KIF21A: variants seen among roughly 807,000 people sequenced by gnomAD.
KIF21A encodes the protein kinesin family member 21A.
A neutral mutation model predicts 202.9 loss-of-function variants in KIF21A; 114 were observed. The ratio of observed to expected loss-of-function variants is 0.56; its 90% CI spans 0.48 to 0.66. KIF21A has a LOEUF of 0.66. KIF21A is among the 30% of genes least tolerant of loss of function. KIF21A has a pLI of 0.00. For synonymous variants in KIF21A, 667 were observed against 670.8 expected, an observed-to-expected ratio of 0.99 and a Z score of 0.09; for missense variants, 1,677 against 1,994.9, an observed-to-expected ratio of 0.84 and a Z score of 3.04.
chr12:39,341,021 T>G lies in KIF21A; in HGVS notation c.1995A>C (p.Glu665Asp). The change falls in exon 15 of 38, where the codon GAA (glutamate) becomes GAC (aspartate). Residue 665 changes from glutamate to aspartate, a missense_variant. This residue lies in a region of KIF21A where 966 missense variants were observed against 1,180.9 expected (regional missense o/e 0.82). Transcript: ENST00000361418. ...AIKQKLIDELENSQKRLQTLK... is the reference protein window; with the variant it reads ...AIKQKLIDELDNSQKRLQTLK... ...GAGTCTGCAGTCTTTTCTGGCTGTTTTCTAGTTCATCAATCAGCTTTTGCT... is the reference window on the plus strand; with the variant it reads ...GAGTCTGCAGTCTTTTCTGGCTGTTGTCTAGTTCATCAATCAGCTTTTGCT... 1 of 1,612,908 alleles carries G rather than the reference T, an allele frequency of 6.2e-7. No individual in the cohort carries two copies.
chr12:39,388,469 T>G (rs1223999287), intron 1 of KIF21A, among the ~76,000 whole-genome samples: 1 of 152,164 alleles, frequency 6.6e-6, no homozygotes, highest in Non-Finnish European at 1.5e-5. Context: ...GAAGACATTC[T>G]CCCTGTTCCT....
intron 31 of KIF21A, among the ~76,000 whole-genome samples, chr12:39,313,821 G>A (rs1285722815): frequency 1.3e-5 from 2 of 151,836 alleles, no homozygotes; most frequent in East Asian, 1.9e-4. Context: ...GCCATATATG[G>A]AATGAGGTGT....
intron 7 of KIF21A, among the ~76,000 whole-genome samples, chr12:39,362,150 C>G (rs1025976576): frequency 7.2e-5 from 11 of 152,096 alleles, no homozygotes; most frequent in Admixed American, 7.2e-4. Flanking sequence ...TGTGGCCTCC[C>G]TAGAAGCCAA....
chr12:39,355,935 C>T (rs995207434), intron 10 of KIF21A, among the ~76,000 whole-genome samples: 4 of 151,612 alleles, frequency 2.6e-5, no homozygotes, highest in African/African-American at 9.7e-5. Context: ...TCTAGAATAG[C>T]CAGAGGAAGA....
chr12:39,295,690 ATG>A (rs1942242030), intron 37 of KIF21A, among the ~76,000 whole-genome samples: 2 of 109,050 alleles, frequency 1.8e-5, no homozygotes, highest in South Asian at 3.1e-4. Flanking sequence ...TGCTTGGGAT[ATG>A]TTTTTTTTTT....
intron 1 of KIF21A, among the ~76,000 whole-genome samples, chr12:39,381,846 T>C (rs1240859853): frequency 1.3e-5 from 2 of 152,174 alleles, no homozygotes; most frequent in Non-Finnish European, 2.9e-5. Flanking sequence ...GTGGGCCTGA[T>C]CTAATTAGGC....
intron 1 of KIF21A, among the ~76,000 whole-genome samples, chr12:39,377,582 C>G (rs113638971): frequency 2.0e-5 from 3 of 152,068 alleles, no homozygotes; most frequent in African/African-American, 7.2e-5. Context: ...CCTAAGAGAT[C>G]GGGCACTGCA....
intron 28 of KIF21A, among the ~76,000 whole-genome samples, chr12:39,319,051 G>A (rs921282126): frequency 2.6e-5 from 4 of 152,140 alleles, no homozygotes; most frequent in Admixed American, 6.5e-5. Flanking sequence ...AAGACAGTGT[G>A]CATCTTGGCA....
intron 37 of KIF21A, among the ~76,000 whole-genome samples, chr12:39,300,035 G>A (rs1942819304): frequency 6.6e-6 from 1 of 151,818 alleles, no homozygotes; most frequent in African/African-American, 2.4e-5. Context: ...GAAATAATCT[G>A]AACAACAAAC....
rs1565678657 is a variant in KIF21A, at chr12:39,309,779, CAT to C, written c.4097-15_4097-14del. ...TTACAAGTACGATCTAAAACAAACA[CAT>C]AAAAAAAAGAAAACACCATTAATAT... On this transcript the variant is annotated splice_polypyrimidine_tract_variant and intron_variant, in intron 32 of 37. Coordinates refer to ENST00000361418, the MANE Select transcript of KIF21A (RefSeq NM_001173464.2). 1 of 1,608,900 alleles carries C rather than the reference CAT, an allele frequency of 6.2e-7. No individual in the cohort carries two copies. The highest frequency in any genetic ancestry group is 2.2e-5 in the East Asian group (1 of 44,794).
At chr12:39,313,291 C>T (rs1944208962) in intron 31 of KIF21A, among the ~76,000 whole-genome samples, 1 of 151,940 alleles carries the variant, frequency 6.6e-6, no homozygotes, top group East Asian at 1.9e-4. Flanking sequence ...CTCAACTTCT[C>T]GTTGAGTCTC....
At chr12:39,360,204 A>G (rs1348763564) in intron 7 of KIF21A, among the ~76,000 whole-genome samples, 2 of 152,044 alleles carry the variant, frequency 1.3e-5, no homozygotes, top group African/African-American at 4.8e-5. Context: ...AAAATAAAAT[A>G]AAGCTAAAAA....
intron 34 of KIF21A, among the ~76,000 whole-genome samples, chr12:39,306,184 G>A (rs927279377): frequency 1.6e-5 from 2 of 122,156 alleles, no homozygotes; most frequent in Non-Finnish European, 3.7e-5. Flanking sequence ...TATTCTCTTA[G>A]TTCCTTTGTT....
In KIF21A at chr12:39,294,411, T is replaced by G; in HGVS notation, c.*13A>C. 4 of 1,565,804 alleles carry G rather than the reference T, an allele frequency of 2.6e-6. No homozygotes were observed. The highest frequency in any genetic ancestry group is 3.5e-6 in the Non-Finnish European group (4 of 1,135,958). ...ATCACAGCATTCAGTTTACAACCTA[T>G]CTTCATTCATGTTTAATTACTGGCA... On this transcript the variant is annotated 3_prime_UTR_variant, in exon 38 of 38. Coordinates refer to ENST00000361418, the MANE Select transcript of KIF21A (RefSeq NM_001173464.2).
intron 12 of KIF21A, among the ~76,000 whole-genome samples, chr12:39,342,828 C>T (rs1409850972): frequency 6.6e-6 from 1 of 152,178 alleles, no homozygotes; most frequent in African/African-American, 2.4e-5. Context: ...TGGAAGCTCT[C>T]CTCTTAAGTT....
Position 39,303,003 on chromosome 12 carries a change from T to C in KIF21A, c.4693A>G (p.Ile1565Val), listed in dbSNP as rs746422413. The C allele has an allele frequency of 1.2e-6, 2 of 1,614,080 alleles. No homozygotes were observed. The highest frequency in any genetic ancestry group is 1.7e-6 in the Non-Finnish European group (2 of 1,179,932). The change falls in exon 36 of 38, where the codon ATC (isoleucine) becomes GTC (valine). Residue 1565 changes from isoleucine to valine, a missense_variant. Physicochemically the swap from Ile to Val is conservative, Grantham distance 29. Coordinates refer to ENST00000361418, the MANE Select transcript of KIF21A (RefSeq NM_001173464.2). ...TTTTGAGTTAAGTCCCATTTCTTGA[T>C]TCCATTATCTCTAGACCCACTAAAT... ...NLFSGSRDNG[I>V]KKWDLTQKDL... is the part of the protein sequence containing the mutation.
chr12:39,365,764 C>G (rs1565985322), intron 6 of KIF21A, among the ~76,000 whole-genome samples: 1 of 152,210 alleles, frequency 6.6e-6, no homozygotes, highest in Non-Finnish European at 1.5e-5. Context: ...AATCCCAGCA[C>G]TTTGGGAGGT....
At chr12:39,368,190 T>C (rs1318237023) in intron 3 of KIF21A, among the ~76,000 whole-genome samples, 158 bp from the exon 4 acceptor site, 3 of 152,142 alleles carry the variant, frequency 2.0e-5, no homozygotes, top group African/African-American at 7.2e-5. Flanking sequence ...AGGCTATTAT[T>C]ATAACAATTA....
chr12:39,301,499 G>C lies in KIF21A; in HGVS notation c.4912C>G (p.His1638Asp), dbSNP rs1301181207. Residue 1638 changes from histidine to aspartate, a missense_variant, in exon 37 of 38, where the codon CAC becomes GAC. Physicochemically the swap from His to Asp is moderately conservative, Grantham distance 81. This residue lies in a region of KIF21A where 705 missense variants were observed against 791.9 expected (regional missense o/e 0.89). Coordinates refer to ENST00000361418, the MANE Select transcript of KIF21A (RefSeq NM_001173464.2). ...ACTTACTCAGCTGCAGTAAAAATGT[G>C]GGTGGAATTAACACATATGGCATTG... Reference protein sequence around the residue: ...PINAICVNSTHIFTAADDRTV... With the variant: ...PINAICVNSTDIFTAADDRTV... 3.7e-6 allele frequency: 6 copies of C among 1,613,706 alleles called. No individual in the cohort carries two copies. The highest frequency in any genetic ancestry group is 4.2e-6 in the Non-Finnish European group (5 of 1,179,766).
Sources: gnomAD v4.1 joint callset for allele counts (sites outside exome capture counted in the v4.1 genomes callset) on GRCh38, gnomAD v4.1.1 for gene constraint, gnomAD v4.1.1 regional missense constraint, MANE v1.5 for transcripts, NCBI Gene and HGNC (gene_info 2026-07-23, HGNC 2026-07-21) for gene names.